Variants in TTLL12 observed in about 807,000 individuals in gnomAD.
TTLL12 encodes tubulin--tyrosine ligase-like protein 12.
In TTLL12, 77 loss-of-function variants were observed where a neutral mutation model predicts 79.6. That is an observed-to-expected ratio of 0.97 (90% CI 0.81 to 1.17). The LOEUF (loss-of-function observed/expected upper bound fraction) is 1.17, where lower values mean the gene tolerates loss of function less well. TTLL12 is among the 50% of genes most tolerant of loss of function. TTLL12 has a pLI of 0.00. For missense variants in TTLL12, 969 were observed against 895.9 expected (o/e 1.08, Z -1.04); for synonymous variants, 437 against 376.1 (o/e 1.16, Z -1.87).
intron 10 of TTLL12, 117 bp from the exon 11 acceptor site, chr22:43,172,017 G>T (rs1931779868): frequency 1.2e-6 from 1 of 835,928 alleles, no homozygotes; most frequent in Admixed American, 2.1e-5. Context: ...AGGACCACCT[G>T]CTGCTCAGGC....
chr22:43,180,924 G>A lies in TTLL12; in HGVS notation c.364C>T (p.His122Tyr). ...TGCTCCACACGGCACGTCCAGGCGT[G>A]GTCGATGAGGAAGATGCTGCGGGCA... ...AHPNSIFLID[H>Y]AWTCRVEHAR... The change falls in exon 3 of 14, where the codon CAC (histidine) becomes TAC (tyrosine). Residue 122 changes from histidine to tyrosine, a missense_variant. Coordinates refer to ENST00000216129, the MANE Select transcript of TTLL12 (RefSeq NM_015140.4). The A allele has an allele frequency of 6.2e-7, 1 of 1,611,534 alleles. No individual in the cohort carries two copies. Among genetic ancestry groups the A allele is most frequent in the African/African-American group, 1.3e-5 (1 of 75,026 alleles).
chr22:43,170,242 G>T, intron 11 of TTLL12: 1 of 284,340 alleles, frequency 3.5e-6, no homozygotes. Flanking sequence ...AGAACCTGAG[G>T]GCGACTTCCA....
At chr22:43,178,108 A>G (rs1342800776) in intron 5 of TTLL12, among the ~76,000 whole-genome samples, 4 of 152,078 alleles carry the variant, frequency 2.6e-5, no homozygotes, top group Admixed American at 6.6e-5. Context: ...ACTTTTTCAG[A>G]CAAACGTGTA....
chr22:43,182,748 G>A (rs577960674), intron 2 of TTLL12, among the ~76,000 whole-genome samples: 8 of 152,314 alleles, frequency 5.3e-5, no homozygotes, highest in African/African-American at 1.4e-4. Flanking sequence ...CAATGAGACC[G>A]CTGGGAGAGG....
In TTLL12 at chr22:43,173,709, G is replaced by A. The variant is rs746850839; in HGVS notation, c.1341+6C>T. 2 of 1,600,024 alleles carry A rather than the reference G, an allele frequency of 1.2e-6. No homozygotes were observed. Among genetic ancestry groups the A allele is most frequent in the African/African-American group, 1.3e-5 (1 of 74,930 alleles). Reference sequence around the variant, plus strand: ...AGCCCTGGGGCTCCTGGTCTGCGGGGCCCACCTTGGGGGTGCTCTCTCGGT... The same window carrying A: ...AGCCCTGGGGCTCCTGGTCTGCGGGACCCACCTTGGGGGTGCTCTCTCGGT... On this transcript the variant is annotated splice_donor_region_variant and intron_variant, in intron 9 of 13. Coordinates refer to ENST00000216129, the MANE Select transcript of TTLL12 (RefSeq NM_015140.4).
intron 5 of TTLL12, among the ~76,000 whole-genome samples, chr22:43,179,003 C>T (rs1931984160): frequency 6.6e-6 from 1 of 152,110 alleles, no homozygotes; most frequent in African/African-American, 2.4e-5. Flanking sequence ...CCTACCCAGC[C>T]CTGACTGGTT....
chr22:43,169,734 G>T (rs907083671), intron 11 of TTLL12, 166 bp from the exon 12 acceptor site: 1 of 702,986 alleles, frequency 1.4e-6, no homozygotes, highest in Non-Finnish European at 2.6e-6. Context: ...AGGAGATGGA[G>T]TCTGGGCTCC....
In TTLL12 at chr22:43,172,333, A is replaced by G. The variant is rs188745815; in HGVS notation, c.1493+70T>C. 419 of 1,583,978 alleles carry G rather than the reference A, an allele frequency of 2.6e-4. 1 individual carries two copies. The African/African-American group carries it at 5.3e-3, about 20-fold the overall frequency. ...CATTTTCTGATTCCAAAAAGGGCCC[A>G]TCACCCACCCGCTACCTCCACCCGG... On this transcript the variant is annotated intron_variant, in intron 10 of 13. Coordinates refer to ENST00000216129, the MANE Select transcript of TTLL12 (RefSeq NM_015140.4).
chr22:43,176,679 G>C (rs567396299), intron 5 of TTLL12, among the ~76,000 whole-genome samples: 1 of 141,812 alleles, frequency 7.1e-6, no homozygotes, highest in African/African-American at 2.7e-5. Context: ...GTAGTGAGCC[G>C]AGATTGCGCC....
chr22:43,181,190 G>A (rs1932047955), intron 2 of TTLL12, among the ~76,000 whole-genome samples: 1 of 152,248 alleles, frequency 6.6e-6, no homozygotes, highest in African/African-American at 2.4e-5. Flanking sequence ...CAGGGCAGCA[G>A]GGGTCTCTAC....
intron 9 of TTLL12, among the ~76,000 whole-genome samples, chr22:43,173,023 T>C (rs765433735): frequency 6.6e-6 from 1 of 152,190 alleles, no homozygotes; most frequent in South Asian, 2.1e-4. Flanking sequence ...CCATTTTTAA[T>C]TGAAATGAAA....
At chr22:43,176,420 A>G (rs1931914364) in intron 5 of TTLL12, 24 bp from the exon 6 acceptor site, 2 of 1,588,386 alleles carry the variant, frequency 1.3e-6, no homozygotes, top group African/African-American at 2.7e-5. Flanking sequence ...CACCGGAAGT[A>G]GAGATGAGGT....
chr22:43,175,536 C>G (rs1459553465), intron 6 of TTLL12: 4 of 152,278 alleles, frequency 2.6e-5, no homozygotes, highest in Non-Finnish European at 5.9e-5. Flanking sequence ...AGGTTGGTAA[C>G]AGGACCCCTT....
At chr22:43,180,685 C>T (rs1042579328) in intron 3 of TTLL12, 57 bp downstream of exon 3, 31 of 1,571,158 alleles carry the variant, frequency 2.0e-5, no homozygotes, top group Non-Finnish European at 2.7e-5. Flanking sequence ...CACAGGGCAG[C>T]GGAGGTCTGT....
intron 5 of TTLL12, among the ~76,000 whole-genome samples, chr22:43,176,877 T>A (rs1236889339): frequency 6.6e-6 from 1 of 151,928 alleles, no homozygotes; most frequent in Non-Finnish European, 1.5e-5. Flanking sequence ...ACCCCAGGAT[T>A]CTGGGGCTCC....
intron 5 of TTLL12, 29 bp downstream of exon 5, chr22:43,179,590 C>A: frequency 1.3e-6 from 2 of 1,533,544 alleles, no homozygotes; most frequent in Non-Finnish European, 1.7e-6. Flanking sequence ...ACCAAGCAGA[C>A]AGGCCTGGTG....
chr22:43,169,365 G>T, intron 12 of TTLL12, 135 bp downstream of exon 12: 3 of 756,672 alleles, frequency 4.0e-6, no homozygotes, highest in Non-Finnish European at 6.3e-6. Context: ...CCAGCCTCTG[G>T]GGAGAATGAC....
At position 43,180,756 on chromosome 22, in the gene TTLL12, G is replaced by A. The variant is rs772678815; in HGVS notation, c.532C>T (p.Gln178Ter). 1.9e-6 allele frequency: 3 copies of A among 1,613,106 alleles called. No homozygotes were observed. The highest frequency in any genetic ancestry group is 1.1e-5 in the South Asian group (1 of 91,082). ...EEMWKFNQTY[Q>*]LAHGTAEEKM... ...TACCCACTCACCCCATGGGCCAGCTGGTAGGTCTGGTTGAACTTCCACATC... is the reference window on the plus strand; with the variant it reads ...TACCCACTCACCCCATGGGCCAGCTAGTAGGTCTGGTTGAACTTCCACATC... Residue 178 changes from glutamine (Q) to a stop codon, truncating the protein, a stop_gained, in exon 3 of 14, where the codon CAG becomes TAG. Transcript: ENST00000216129. LOFTEE classifies it high-confidence loss of function.
Position 43,179,861 on chromosome 22 carries a change from A to G in TTLL12, c.686T>C (p.Leu229Pro), listed in dbSNP as rs1932009259. The change falls in exon 4 of 14, where the codon CTG becomes CCG. Residue 229 changes from leucine to proline, a missense_variant. Coordinates refer to ENST00000216129, the MANE Select transcript of TTLL12 (RefSeq NM_015140.4). ...CTTACCGCCAGTGTCCAGGTCCCTC[A>G]GGGGCCACAGCAGCGTGTAGGCCAC... is the stretch of plus-strand genomic sequence containing the variant. ...QQVAYTLLWP[L>P]RDLDTGEEVT... The G allele has an allele frequency of 6.3e-7, 1 of 1,598,266 alleles. No individual in the cohort carries two copies. Among genetic ancestry groups the G allele is most frequent in the Non-Finnish European group, 8.5e-7 (1 of 1,172,080 alleles).
Sources: gnomAD v4.1 joint callset for allele counts (sites outside exome capture counted in the v4.1 genomes callset) on GRCh38, gnomAD v4.1.1 for gene constraint, MANE v1.5 for transcripts, NCBI Gene and HGNC (gene_info 2026-07-23, HGNC 2026-07-21) for gene names.